HEATR4: variants seen among roughly 807,000 people sequenced by gnomAD.
HEATR4 encodes HEAT repeat-containing protein 4.
In HEATR4, 95 loss-of-function variants were observed where a neutral mutation model predicts 108.8. That is an observed-to-expected ratio of 0.87 (90% CI 0.74 to 1.04). The LOEUF (loss-of-function observed/expected upper bound fraction) is 1.04, where lower values mean the gene tolerates loss of function less well. Among genes scored for constraint, HEATR4 ranks in the 50% least tolerant of loss-of-function variants. The pLI is 0.00. For synonymous variants in HEATR4, 443 were observed against 459.4 expected (o/e 0.96, Z 0.46); for missense variants, 1,152 against 1,253.8 (o/e 0.92, Z 1.23).
Position 73,546,017 on chromosome 14 carries a change from T to G in HEATR4, c.-152+12734A>C, listed in dbSNP as rs1235555337. Among the ~76,000 whole-genome samples the G allele has an allele frequency of 1.7e-5, 2 of 114,460 alleles. 1 individual carries two copies. The highest frequency in any genetic ancestry group is 5.7e-5 in the African/African-American group (2 of 35,288). 75.1% of individuals were successfully genotyped at this position (114,460 alleles called of 152,430 possible). On this transcript the variant is annotated intron_variant, in intron 1 of 17. Coordinates refer to ENST00000553558, the MANE Select transcript of HEATR4 (RefSeq NM_001220484.1). Reference sequence around the variant, plus strand: ...ATTTTTTTTTGAGACAGTCTCGCTCTGTTGCCCAGGCTAGAGTACAATGGC... The same window carrying G: ...ATTTTTTTTTGAGACAGTCTCGCTCGGTTGCCCAGGCTAGAGTACAATGGC...
intron 17 of HEATR4, among the ~76,000 whole-genome samples, chr14:73,480,177 C>T (rs1398075442): frequency 6.6e-6 from 1 of 152,136 alleles, no homozygotes; most frequent in Non-Finnish European, 1.5e-5. Flanking sequence ...CACGGTGGCT[C>T]ACACCTGTGA....
the HEATR4 span, among the ~76,000 whole-genome samples, chr14:73,600,906 A>G: frequency 6.6e-6 from 1 of 152,082 alleles, no homozygotes; most frequent in Non-Finnish European, 1.5e-5. Flanking sequence ...TGAGAGGCCA[A>G]GGCGGGCGGA....
At chr14:73,514,338 G>T in intron 5 of HEATR4, 104 bp from the exon 6 acceptor site, 1 of 985,778 alleles carries the variant, frequency 1.0e-6, no homozygotes, top group Non-Finnish European at 1.5e-6. Flanking sequence ...TAATACCAAA[G>T]CAAAACAAAA....
the HEATR4 span, among the ~76,000 whole-genome samples, chr14:73,622,550 A>T: frequency 6.6e-6 from 1 of 151,820 alleles, no homozygotes; most frequent in Non-Finnish European, 1.5e-5. Flanking sequence ...TTATAGGCGC[A>T]CCACCACACC....
At chr14:73,516,891 AC>A (rs1213214571) in intron 5 of HEATR4, among the ~76,000 whole-genome samples, 1 of 151,780 alleles carries the variant, frequency 6.6e-6, no homozygotes, top group Non-Finnish European at 1.5e-5. Flanking sequence ...AACCATCCCC[AC>A]CCCGCTGGTC....
At chr14:73,515,375 C>G (rs368278634) in intron 5 of HEATR4, among the ~76,000 whole-genome samples, 3 of 151,864 alleles carry the variant, frequency 2.0e-5, no homozygotes, top group African/African-American at 4.8e-5. Context: ...TTTCTTTCTT[C>G]TAATGTAAAA....
At chr14:73,514,291 C>G in intron 5 of HEATR4, 57 bp from the exon 6 acceptor site, 1 of 1,483,968 alleles carries the variant, frequency 6.7e-7, no homozygotes, top group Non-Finnish European at 9.3e-7. Flanking sequence ...CCCTGCCACA[C>G]AGTGGCCCCA....
chr14:73,629,372 A>T, the HEATR4 span, among the ~76,000 whole-genome samples: 1 of 152,198 alleles, frequency 6.6e-6, no homozygotes, highest in Non-Finnish European at 1.5e-5. Context: ...AGTGGTCTGG[A>T]AGCAAATCTG....
chr14:73,539,224 C>G (rs1966367), intron 1 of HEATR4: 38,005 of 113,364 alleles, frequency 0.34, 14,765 homozygotes, highest in Admixed American at 0.48. Flanking sequence ...CTGTTCGTTC[C>G]TGCTGCCTAG....
chr14:73,593,496 A>C, the HEATR4 span, among the ~76,000 whole-genome samples: 1 of 146,942 alleles, frequency 6.8e-6, no homozygotes, highest in African/African-American at 2.5e-5. Flanking sequence ...ACACCACCAC[A>C]CTGACTAATT....
upstream of HEATR4, among the ~76,000 whole-genome samples, chr14:73,561,674 ACT>A (rs949241180): frequency 1.3e-4 from 20 of 151,388 alleles, no homozygotes; most frequent in Admixed American, 1.1e-3. Context: ...CAAGAGTGAA[ACT>A]CTGTCTCAAA....
chr14:73,584,408 C>G, the HEATR4 span, among the ~76,000 whole-genome samples: 1 of 151,958 alleles, frequency 6.6e-6, no homozygotes, highest in East Asian at 1.9e-4. Context: ...TGCTGCAGAC[C>G]TGTACAGATT....
At position 73,553,765 on chromosome 14, in the gene HEATR4, G is replaced by C. The variant is rs866184866; in HGVS notation, c.-152+4986C>G. Reference sequence around the variant, plus strand: ...TTCTTGTGCCTCAGCCTCCCTAGTAGCTGGGATTACAGGCATGCACTAGCA... The same window carrying C: ...TTCTTGTGCCTCAGCCTCCCTAGTACCTGGGATTACAGGCATGCACTAGCA... On this transcript the variant is annotated intron_variant, in intron 1 of 17. Coordinates refer to ENST00000553558, the MANE Select transcript of HEATR4 (RefSeq NM_001220484.1). 1.1e-4 allele frequency among the ~76,000 whole-genome samples: 12 copies of C among 112,774 alleles called. 3 individuals are homozygous for C. Among genetic ancestry groups the C allele is most frequent in the Non-Finnish European group, 2.1e-4 (11 of 51,540 alleles). 74.0% of individuals were successfully genotyped at this position (112,774 alleles called of 152,430 possible).
chr14:73,577,048 G>A, the HEATR4 span, among the ~76,000 whole-genome samples: 25 of 148,518 alleles, frequency 1.7e-4, no homozygotes, highest in African/African-American at 5.9e-4. Context: ...CTCCCACCTC[G>A]GCCTCCCTAG....
At chr14:73,609,849 C>A in the HEATR4 span, among the ~76,000 whole-genome samples, 1 of 152,152 alleles carries the variant, frequency 6.6e-6, no homozygotes, top group South Asian at 2.1e-4. Context: ...CCATGTTGGC[C>A]AGACTGGTCT....
chr14:73,612,514 G>A, the HEATR4 span: 3 of 1,143,252 alleles, frequency 2.6e-6, no homozygotes, highest in South Asian at 2.4e-5. Context: ...CGGCAAAGCC[G>A]CCAGGCCCGC....
At chr14:73,612,721 G>A in the HEATR4 span, 3 of 1,369,918 alleles carry the variant, frequency 2.2e-6, no homozygotes, top group African/African-American at 3.0e-5. Context: ...GGGCCCACGC[G>A]CGCTACCGTG....
chr14:73,621,761 CTTTTTTTTTTTTT>C, the HEATR4 span, among the ~76,000 whole-genome samples: 1 of 109,544 alleles, frequency 9.1e-6, no homozygotes, highest in African/African-American at 4.2e-5. Flanking sequence ...TTCTTTCTTT[CTTTTTTTTTTTTT>C]TTTTTTTTTG....
upstream of HEATR4, among the ~76,000 whole-genome samples, chr14:73,562,330 T>G (rs1889541867): frequency 6.6e-6 from 1 of 152,116 alleles, no homozygotes; most frequent in South Asian, 2.1e-4. Flanking sequence ...GTCTTTAATA[T>G]CTTAATCCTG....
Sources: allele counts gnomAD v4.1 joint callset (sites outside exome capture counted in the v4.1 genomes callset), GRCh38; gene constraint gnomAD v4.1.1; transcripts MANE v1.5; gene names NCBI Gene and HGNC (gene_info 2026-07-23, HGNC 2026-07-21).